GSE1: variants seen among roughly 807,000 people sequenced by gnomAD.
The protein encoded by GSE1 is Gse1 coiled-coil protein, also known as genetic suppressor element 1.
Under a neutral mutation model 112.6 loss-of-function variants are expected in GSE1, and 32 were observed. That is an observed-to-expected ratio of 0.28 (90% CI 0.21 to 0.38). The LOEUF is 0.38. Among genes scored for constraint, GSE1 ranks in the 10% least tolerant of loss-of-function variants. The pLI, the probability that GSE1 is intolerant of heterozygous loss-of-function variation, is 1.00. For missense variants in GSE1, 2,348 were observed against 1,699.2 expected, an observed-to-expected ratio of 1.38 and a Z score of -6.71; for synonymous variants, 1,115 against 735.6, an observed-to-expected ratio of 1.52 and a Z score of -8.35.
At chr16:85,332,658 C>T (rs755046360) in intron 1 of GSE1, among the ~76,000 whole-genome samples, 6 of 152,156 alleles carry the variant, frequency 3.9e-5, no homozygotes, top group African/African-American at 7.2e-5. Flanking sequence ...GCTTCCTTTG[C>T]GCCACACCGA....
At chr16:85,630,056 G>A (rs1217924948) in intron 1 of GSE1, among the ~76,000 whole-genome samples, 2 of 152,218 alleles carry the variant, frequency 1.3e-5, no homozygotes, top group African/African-American at 4.8e-5. Flanking sequence ...CCTGGGGCTG[G>A]AGGATTCATT....
chr16:85,514,439 C>A (rs923515247), intron 2 of GSE1, among the ~76,000 whole-genome samples: 3 of 142,664 alleles, frequency 2.1e-5, no homozygotes, highest in African/African-American at 7.9e-5. Flanking sequence ...CCCCCCCCAC[C>A]CCAGGGCAGC....
At chr16:85,231,300 T>G in intron 1 of GSE1, among the ~76,000 whole-genome samples, 1 of 148,772 alleles carries the variant, frequency 6.7e-6, no homozygotes, top group Admixed American at 6.7e-5. Flanking sequence ...GATGGGTGGA[T>G]GGATGGACGG....
At chr16:85,338,254 C>T (rs2046547762) in intron 1 of GSE1, among the ~76,000 whole-genome samples, 1 of 152,230 alleles carries the variant, frequency 6.6e-6, no homozygotes, top group South Asian at 2.1e-4. Flanking sequence ...CGCCTTTTTC[C>T]GTATCTTGCC....
At chr16:85,522,870 TTG>T (rs2052234559) in intron 2 of GSE1, among the ~76,000 whole-genome samples, 1 of 151,684 alleles carries the variant, frequency 6.6e-6, no homozygotes, top group African/African-American at 2.4e-5. Context: ...GTGTGTGACT[TTG>T]TTGTGTGCAT....
intron 2 of GSE1, among the ~76,000 whole-genome samples, chr16:85,439,659 C>T (rs553761566): frequency 3.3e-5 from 5 of 152,180 alleles, no homozygotes; most frequent in African/African-American, 1.2e-4. Flanking sequence ...GGTGAAGACA[C>T]TCCCCAACAC....
chr16:85,338,218 A>T (rs2046546913), intron 1 of GSE1, among the ~76,000 whole-genome samples: 1 of 152,202 alleles, frequency 6.6e-6, no homozygotes, highest in South Asian at 2.1e-4. Flanking sequence ...GCACCGGCAG[A>T]TCTTCCCCCT....
At chr16:85,361,721 G>A (rs1020082743) in intron 2 of GSE1, among the ~76,000 whole-genome samples, 12 of 152,364 alleles carry the variant, frequency 7.9e-5, no homozygotes, top group Non-Finnish European at 1.5e-4. Flanking sequence ...GGAGGAGCCT[G>A]TGCCGACCTG....
chr16:85,222,255 G>T (rs1376753144), intron 1 of GSE1, among the ~76,000 whole-genome samples: 1 of 152,198 alleles, frequency 6.6e-6, no homozygotes, highest in African/African-American at 2.4e-5. Context: ...CCAGACCTTA[G>T]GGACAGATTT....
chr16:85,624,154 G>A (rs776003236), intron 1 of GSE1, among the ~76,000 whole-genome samples: 47 of 152,172 alleles, frequency 3.1e-4, no homozygotes, highest in Non-Finnish European at 6.5e-4. Flanking sequence ...GCCGTCCCAC[G>A]GAAACTTGGA....
At chr16:85,389,237 A>G (rs1001350592) in intron 2 of GSE1, among the ~76,000 whole-genome samples, 2 of 152,170 alleles carry the variant, frequency 1.3e-5, no homozygotes, top group Non-Finnish European at 2.9e-5. Context: ...AGGCGGGTGG[A>G]TCACTTGAGG....
intron 2 of GSE1, among the ~76,000 whole-genome samples, chr16:85,541,108 G>T (rs111787949): frequency 6.6e-6 from 1 of 152,060 alleles, no homozygotes; most frequent in Non-Finnish European, 1.5e-5. Context: ...TTTGTCCAGC[G>T]CAGTCAGGGT....
At chr16:85,308,492 C>A (rs1430675572) in intron 1 of GSE1, among the ~76,000 whole-genome samples, 1 of 152,122 alleles carries the variant, frequency 6.6e-6, no homozygotes, top group Non-Finnish European at 1.5e-5. Context: ...GGAGGGCTTC[C>A]TTTAAACTGC....
chr16:85,432,164 C>A (rs970905875), intron 2 of GSE1, among the ~76,000 whole-genome samples: 1 of 152,214 alleles, frequency 6.6e-6, no homozygotes, highest in South Asian at 2.1e-4. Context: ...CTTAGAGTGT[C>A]ATAAGGTTAG....
At chr16:85,657,638 C>G (rs760191005) in intron 8 of GSE1, 34 bp downstream of exon 8, 12 of 1,399,124 alleles carry the variant, frequency 8.6e-6, no homozygotes, top group African/African-American at 7.2e-5. Context: ...GAGGGATGAG[C>G]CTTCACGTTC....
At chr16:85,399,763 C>T (rs1038418) in intron 2 of GSE1, among the ~76,000 whole-genome samples, 144,687 of 152,344 alleles carry the variant, frequency 0.95, 69,152 homozygotes, top group East Asian at 1. Flanking sequence ...CTGCTGAGTT[C>T]GGGGGAAGAA....
At chr16:85,358,795 C>A (rs2047006256) in intron 2 of GSE1, among the ~76,000 whole-genome samples, 2 of 152,218 alleles carry the variant, frequency 1.3e-5, no homozygotes. Flanking sequence ...ACAGGCCAGG[C>A]AGGGACTACT....
chr16:85,342,470 C>T (rs544919043), intron 1 of GSE1, among the ~76,000 whole-genome samples: 99 of 152,242 alleles, frequency 6.5e-4, no homozygotes, highest in African/African-American at 2.2e-3. Context: ...CATTGTGTCA[C>T]GCTCATCTGC....
intron 2 of GSE1, among the ~76,000 whole-genome samples, chr16:85,521,842 G>C (rs926406592): frequency 6.6e-6 from 1 of 152,216 alleles, no homozygotes; most frequent in East Asian, 1.9e-4. Flanking sequence ...CAGCCCAGGG[G>C]GTCGTGGAGG....
Sources: gnomAD v4.1 joint callset for allele counts (sites outside exome capture counted in the v4.1 genomes callset) on GRCh38, gnomAD v4.1.1 for gene constraint, MANE v1.5 for transcripts, NCBI Gene and HGNC (gene_info 2026-07-23, HGNC 2026-07-21) for gene names.